Variants in TPTE observed in about 807,000 individuals in gnomAD.
The protein encoded by TPTE is transmembrane phosphatase with tensin homology.
In TPTE, 59 loss-of-function variants were observed where a neutral mutation model predicts 84.1. The ratio of observed to expected loss-of-function variants is 0.70; its 90% CI spans 0.57 to 0.87. The LOEUF is 0.87. TPTE is among the 40% of genes least tolerant of loss of function. The probability of loss-of-function intolerance (pLI) is 0.00; values close to 1 mark genes in which losing one functional copy is unlikely to be tolerated. For missense variants in TPTE, 382 were observed against 659.6 expected (o/e 0.58, Z 4.61); for synonymous variants, 130 against 223.5 (o/e 0.58, Z 3.73).
chr21:10,549,252 T>A (rs561953046), intron 7 of TPTE, among the ~76,000 whole-genome samples: 308 of 152,302 alleles, frequency 2.0e-3, no homozygotes, highest in African/African-American at 6.9e-3. Flanking sequence ...TCCATAAAAT[T>A]GGAAAAGGTG....
At chr21:10,569,072 A>G (rs1411240386) in intron 11 of TPTE, among the ~76,000 whole-genome samples, 3 of 152,310 alleles carry the variant, frequency 2.0e-5, no homozygotes, top group Admixed American at 2.0e-4. Flanking sequence ...AAATTTACAG[A>G]TGCTAAGAGT....
chr21:10,590,674 T>G, intron 18 of TPTE, 151 bp downstream of exon 18: 1 of 1,363,340 alleles, frequency 7.3e-7, no homozygotes, highest in Non-Finnish European at 1.0e-6. Flanking sequence ...CTGTTTTTGA[T>G]ACTTTCTTGT....
At chr21:10,591,281 A>AGCTCT (rs2075471302) in intron 18 of TPTE, among the ~76,000 whole-genome samples, 1 of 152,312 alleles carries the variant, frequency 6.6e-6, no homozygotes, top group Admixed American at 6.5e-5. Context: ...CATTTCCAGC[A>AGCTCT]GCTCTGCTCG....
chr21:10,560,648 TTAA>T (rs1279616418), intron 9 of TPTE, among the ~76,000 whole-genome samples: 2 of 152,308 alleles, frequency 1.3e-5, no homozygotes, highest in East Asian at 1.9e-4. Flanking sequence ...ATTATCCAGA[TTAA>T]TGAGGGTTTA....
intron 10 of TPTE, among the ~76,000 whole-genome samples, chr21:10,566,987 A>C (rs1450892794): frequency 2.0e-5 from 3 of 152,288 alleles, no homozygotes; most frequent in Non-Finnish European, 2.9e-5. Context: ...CAAAAAAAAA[A>C]AAAAAAAATA....
chr21:10,552,782 G>T, intron 8 of TPTE, 66 bp downstream of exon 8: 1 of 1,612,138 alleles, frequency 6.2e-7, no homozygotes, highest in Non-Finnish European at 8.5e-7. Flanking sequence ...GTTAAACAGG[G>T]CTTCCGCTGA....
At chr21:10,548,707 ATATT>A in intron 7 of TPTE, among the ~76,000 whole-genome samples, 1 of 152,296 alleles carries the variant, frequency 6.6e-6, no homozygotes, top group African/African-American at 2.4e-5. Context: ...ATGCACCTAT[ATATT>A]TGGTCCATGA....
intron 4 of TPTE, chr21:10,540,842 C>G (rs2074356278): frequency 3.4e-6 from 2 of 594,382 alleles, no homozygotes; most frequent in Non-Finnish European, 6.5e-6. Context: ...ATTAAATGCT[C>G]TCCAAAAATG....
At chr21:10,572,707 C>T (rs1221143873) in intron 14 of TPTE, among the ~76,000 whole-genome samples, 49 of 152,216 alleles carry the variant, frequency 3.2e-4, no homozygotes, top group Admixed American at 6.5e-5. Context: ...CAAGCACAAA[C>T]TGAAGGAATT....
chr21:10,524,550 C>G (rs1413501413), intron 1 of TPTE, 30 bp from the exon 2 acceptor site: 1 of 152,476 alleles, frequency 6.6e-6, no homozygotes, highest in Non-Finnish European at 1.5e-5. Flanking sequence ...AAACTGCTAA[C>G]AGGATCTTGA....
At chr21:10,598,152 A>C in intron 21 of TPTE, 58 bp downstream of exon 21, 1 of 1,603,354 alleles carries the variant, frequency 6.2e-7, no homozygotes, top group Non-Finnish European at 8.5e-7. Flanking sequence ...CTGAATGTCA[A>C]ACCAGCAATG....
intron 3 of TPTE, among the ~76,000 whole-genome samples, chr21:10,529,284 A>G (rs528626137): frequency 6.6e-6 from 1 of 152,428 alleles, no homozygotes; most frequent in Non-Finnish European, 1.5e-5. Context: ...GTTCATTTGA[A>G]GGATAAGTTT....
intron 1 of TPTE, among the ~76,000 whole-genome samples, chr21:10,522,898 C>A (rs1343164359): frequency 6.6e-6 from 1 of 152,304 alleles, no homozygotes; most frequent in Non-Finnish European, 1.5e-5. Flanking sequence ...TCTTTTCTAG[C>A]GAGAATATGA....
chr21:10,540,647 G>T, intron 4 of TPTE: 1 of 519,076 alleles, frequency 1.9e-6, no homozygotes, highest in South Asian at 1.4e-5. Context: ...GACTGCCTTT[G>T]CCCATACCCA....
intron 3 of TPTE, among the ~76,000 whole-genome samples, chr21:10,537,302 T>C (rs1339958538): frequency 3.9e-5 from 6 of 152,426 alleles, no homozygotes; most frequent in African/African-American, 1.4e-4. Flanking sequence ...ACGATACATA[T>C]ATATATTTAA....
chr21:10,523,554 G>T (rs1173609364), intron 1 of TPTE, among the ~76,000 whole-genome samples: 1 of 152,092 alleles, frequency 6.6e-6, no homozygotes, highest in Non-Finnish European at 1.5e-5. Flanking sequence ...TGCAGTGTTT[G>T]GTTTTTTGTT....
chr21:10,562,844 A>G (rs370265559), intron 10 of TPTE, among the ~76,000 whole-genome samples: 3,600 of 150,516 alleles, frequency 0.024, 1 homozygote, highest in African/African-American at 0.086. Context: ...AGTTTATTCA[A>G]AGGGATGGTA....
At chr21:10,550,068 A>G (rs1467797621) in intron 7 of TPTE, among the ~76,000 whole-genome samples, 2 of 152,302 alleles carry the variant, frequency 1.3e-5, no homozygotes, top group South Asian at 2.1e-4. Context: ...CAGCACAGCT[A>G]TCCTTTACAA....
rs116936888 is a variant in TPTE at position 10,582,029 on chromosome 21, C to G, written c.1027+3424C>G. 6.6e-5 allele frequency among the ~76,000 whole-genome samples: 10 copies of G among 152,412 alleles called. No homozygotes were observed. The East Asian group carries it at 1.9e-3, about 29-fold the overall frequency. On this transcript the variant is annotated intron_variant, in intron 17 of 23. Coordinates refer to ENST00000618007, the MANE Select transcript of TPTE (RefSeq NM_199261.4). ...GGATTACAGGCATGAGCCATCATGCCTGGAGAGAAGTTTGTAATTTTGAAT... is the reference window on the plus strand; with the variant it reads ...GGATTACAGGCATGAGCCATCATGCGTGGAGAGAAGTTTGTAATTTTGAAT...
Sources: gnomAD v4.1 joint callset for allele counts (sites outside exome capture counted in the v4.1 genomes callset) on GRCh38, gnomAD v4.1.1 for gene constraint, MANE v1.5 for transcripts, NCBI Gene and HGNC (gene_info 2026-07-23, HGNC 2026-07-21) for gene names.